The following RNF150 variants were observed in gnomAD, a reference collection of about 807,000 sequenced individuals.
RNF150 encodes ring finger protein 150.
A neutral mutation model predicts 39.3 loss-of-function variants in RNF150; 24 were observed. The observed-to-expected ratio is 0.61, with a 90% CI of 0.44 to 0.86. RNF150 has a LOEUF of 0.86. Among genes scored for constraint, RNF150 ranks in the 40% least tolerant of loss-of-function variants. RNF150 has a pLI of 0.00. For missense variants in RNF150, 502 were observed against 587.8 expected (o/e 0.85, Z 1.51); for synonymous variants, 255 against 227.3 (o/e 1.12, Z -1.10).
At chr4:140,964,535 CA>C (rs1176165935) in intron 2 of RNF150, among the ~76,000 whole-genome samples, 1 of 151,834 alleles carries the variant, frequency 6.6e-6, no homozygotes, top group Non-Finnish European at 1.5e-5. Context: ...ATTATAATGG[CA>C]ACGTAATGAT....
chr4:141,100,025 T>A (rs1229100594), intron 1 of RNF150, among the ~76,000 whole-genome samples: 5 of 152,190 alleles, frequency 3.3e-5, no homozygotes, highest in Non-Finnish European at 5.9e-5. Flanking sequence ...GATCTCCTGA[T>A]AACTGATAAA....
intron 1 of RNF150, among the ~76,000 whole-genome samples, chr4:141,010,666 G>A (rs536914646): frequency 1.4e-4 from 22 of 152,196 alleles, no homozygotes; most frequent in South Asian, 4.2e-4. Context: ...GAGGGACTGC[G>A]TGAGCATGTG....
At chr4:140,877,519 T>C (rs1729203814) in intron 6 of RNF150, among the ~76,000 whole-genome samples, 1 of 152,216 alleles carries the variant, frequency 6.6e-6, no homozygotes, top group African/African-American at 2.4e-5. Flanking sequence ...TAAAATTATC[T>C]ATAGACCCCA....
At chr4:141,210,414 C>T (rs535956624) in intron 1 of RNF150, among the ~76,000 whole-genome samples, 10 of 151,062 alleles carry the variant, frequency 6.6e-5, no homozygotes, top group South Asian at 6.3e-4. Context: ...GCAATGCTGA[C>T]GTTGATTTTG....
rs939780935 is a variant in RNF150, at chr4:140,899,654, G to A, written c.1198+11490C>T. ...GTGCTCCTTGGGAAGCCTATGGAGCGAGGAGGAAGAACTGTCTTCTAAGCA... is the reference window on the plus strand; with the variant it reads ...GTGCTCCTTGGGAAGCCTATGGAGCAAGGAGGAAGAACTGTCTTCTAAGCA... On this transcript the variant is annotated intron_variant, in intron 6 of 6. Coordinates refer to ENST00000515673, the MANE Select transcript of RNF150 (RefSeq NM_020724.2). 2.6e-5 allele frequency among the ~76,000 whole-genome samples: 4 copies of A among 152,194 alleles called. No individual in the cohort carries two copies. The Middle Eastern group carries it at 0.01, about 388-fold the overall frequency.
At chr4:141,095,960 T>C (rs1335454172) in intron 1 of RNF150, among the ~76,000 whole-genome samples, 1 of 152,108 alleles carries the variant, frequency 6.6e-6, no homozygotes, top group Non-Finnish European at 1.5e-5. Context: ...TACACAAACA[T>C]GATGTATTTT....
chr4:141,076,743 T>C (rs556193856), intron 1 of RNF150, among the ~76,000 whole-genome samples: 1 of 152,196 alleles, frequency 6.6e-6, no homozygotes, highest in Admixed American at 6.5e-5. Context: ...TAAAAACACA[T>C]TGCCTATACA....
chr4:140,925,940 A>G (rs767867577), intron 5 of RNF150, 37 bp downstream of exon 5: 1 of 1,424,700 alleles, frequency 7.0e-7, no homozygotes, highest in South Asian at 1.2e-5. Flanking sequence ...ACGCAGAAAG[A>G]CAGACATTAT....
Position 141,016,940 on chromosome 4 carries a change from T to C in RNF150, c.485-49067A>G, listed in dbSNP as rs77186400. Among the ~76,000 whole-genome samples the C allele has an allele frequency of 4.7e-3, 711 of 152,298 alleles. 5 individuals carry two copies. The highest frequency in any genetic ancestry group is 0.016 in the African/African-American group (685 of 41,566). On this transcript the variant is annotated intron_variant, in intron 1 of 6. Transcript: ENST00000515673. ...CTTGAAATGTATCTTCCATTTCTAC[T>C]CCAAATCCAACCTTTCCCTGGAGGT...
At chr4:141,100,295 G>C (rs141558508) in intron 1 of RNF150, among the ~76,000 whole-genome samples, 188 of 152,258 alleles carry the variant, frequency 1.2e-3, no homozygotes, top group Middle Eastern at 6.8e-3. Context: ...CTTCCAGGAA[G>C]AGTTAAATAT....
chr4:141,021,182 T>C (rs374887255), intron 1 of RNF150, among the ~76,000 whole-genome samples: 196 of 152,140 alleles, frequency 1.3e-3, no homozygotes, highest in African/African-American at 4.4e-3. Context: ...CCGGGGATGG[T>C]AGAGGCTGAG....
At position 141,132,291 on chromosome 4, in the gene RNF150, G is replaced by A. The variant is rs1485838686; in HGVS notation, c.484+34C>T. The A allele has an allele frequency of 3.9e-6, 6 of 1,554,034 alleles. No homozygotes were observed. Among genetic ancestry groups the A allele is most frequent in the African/African-American group, 1.4e-5 (1 of 73,494 alleles). On this transcript the variant is annotated intron_variant, in intron 1 of 6. Coordinates refer to ENST00000515673, the MANE Select transcript of RNF150 (RefSeq NM_020724.2). This position sits in a 1 kb window ranked among gnomAD's most constrained non-coding sequence, Gnocchi z 4.9. Reference sequence around the variant, plus strand: ...CCCTCTAGGCACCTCCGTCCCCGCCGGCTCCCCTCCCCCGCGCCCGCTGGG... The same window carrying A: ...CCCTCTAGGCACCTCCGTCCCCGCCAGCTCCCCTCCCCCGCGCCCGCTGGG...
intron 1 of RNF150, among the ~76,000 whole-genome samples, chr4:141,087,811 T>C (rs1030068556): frequency 6.6e-6 from 1 of 152,240 alleles, no homozygotes; most frequent in African/African-American, 2.4e-5. Context: ...GTTACATCTT[T>C]TGTAACACTG....
chr4:140,882,644 GAAT>G (rs1296364418), intron 6 of RNF150, among the ~76,000 whole-genome samples: 1 of 152,028 alleles, frequency 6.6e-6, no homozygotes, highest in Non-Finnish European at 1.5e-5. Flanking sequence ...ATATCTTTCT[GAAT>G]AATTAACCTT....
chr4:141,029,324 T>C (rs1424972256), intron 1 of RNF150, among the ~76,000 whole-genome samples: 2 of 152,188 alleles, frequency 1.3e-5, no homozygotes, highest in Non-Finnish European at 2.9e-5. Context: ...GTATACCTTA[T>C]ATTTTTTCAA....
In RNF150 at chr4:140,873,443, G is replaced by GAGCC. The variant is rs1038249333; in HGVS notation, c.1199-5068_1199-5065dup. Among the ~76,000 whole-genome samples, 48 of 152,250 alleles carry GAGCC rather than the reference G, an allele frequency of 3.2e-4. 1 individual carries two copies. The highest frequency in any genetic ancestry group is 1.1e-3 in the African/African-American group (47 of 41,534). ...AAAGAGCCTGAAAATTGCCCCCAAA[G>GAGCC]AGCCTGAAAACTGGAAGAATATAGT... On this transcript the variant is annotated intron_variant, in intron 6 of 6. Coordinates refer to ENST00000515673, the MANE Select transcript of RNF150 (RefSeq NM_020724.2).
chr4:141,189,285 G>A (rs1728065465), intron 1 of RNF150, among the ~76,000 whole-genome samples: 1 of 152,126 alleles, frequency 6.6e-6, no homozygotes. Flanking sequence ...ATCCCAGAGG[G>A]GCACCCTCCA....
chr4:141,097,921 A>G (rs1437875791), intron 1 of RNF150, among the ~76,000 whole-genome samples: 3 of 152,116 alleles, frequency 2.0e-5, no homozygotes, highest in Non-Finnish European at 1.5e-5. Flanking sequence ...TTGAGATTTG[A>G]GACAAATTCA....
At chr4:140,926,781 GAAA>G (rs1011114673) in intron 4 of RNF150, among the ~76,000 whole-genome samples, 2 of 152,214 alleles carry the variant, frequency 1.3e-5, no homozygotes, top group Non-Finnish European at 2.9e-5. Context: ...AACTTCGCTT[GAAA>G]GAGTCCACAC....
Sources: gnomAD v4.1 joint callset for allele counts (sites outside exome capture counted in the v4.1 genomes callset) on GRCh38, gnomAD v4.1.1 for gene constraint, Gnocchi (gnomAD v3.1) non-coding constraint, MANE v1.5 for transcripts, NCBI Gene and HGNC (gene_info 2026-07-23, HGNC 2026-07-21) for gene names.